The following CNTN2 variants were observed in gnomAD, a reference collection of about 807,000 sequenced individuals.
CNTN2 encodes the protein contactin-2.
In CNTN2, 53 loss-of-function variants were observed where a neutral mutation model predicts 117.5. That is an observed-to-expected ratio of 0.45 (90% CI 0.36 to 0.57). The LOEUF (loss-of-function observed/expected upper bound fraction) is 0.57. CNTN2 is among the 20% of genes least tolerant of loss of function. The probability of loss-of-function intolerance (pLI) is 0.00; values close to 1 mark genes in which losing one functional copy is unlikely to be tolerated. For missense variants in CNTN2, 1,106 were observed against 1,404.3 expected, an observed-to-expected ratio of 0.79 and a Z score of 3.39; for synonymous variants, 530 against 561.7, an observed-to-expected ratio of 0.94 and a Z score of 0.80.
intron 16 of CNTN2, 199 bp downstream of exon 16, chr1:205,067,449 T>C: frequency 2.0e-6 from 1 of 506,126 alleles, no homozygotes; most frequent in Non-Finnish European, 3.3e-6. Context: ...TCCAAACTCC[T>C]CATTTAAAAA....
chr1:205,062,114 G>A (rs1464385564), intron 9 of CNTN2, 113 bp downstream of exon 9: 1 of 1,349,100 alleles, frequency 7.4e-7, no homozygotes, highest in African/African-American at 1.5e-5. Flanking sequence ...GGCTAATTAG[G>A]GTGTCAGAGG....
At chr1:205,063,983 G>A (rs77150959) in intron 10 of CNTN2, among the ~76,000 whole-genome samples, 2,987 of 152,202 alleles carry the variant, frequency 0.02, 48 homozygotes, top group East Asian at 0.044. Context: ...GAAAGGTGGA[G>A]ACTTATTTGT....
At chr1:205,072,975 C>A in intron 21 of CNTN2, 93 bp from the exon 22 acceptor site, 1 of 1,389,876 alleles carries the variant, frequency 7.2e-7, no homozygotes, top group Non-Finnish European at 9.9e-7. Flanking sequence ...GAGCCCAGAA[C>A]CATCGGGTCT....
At chr1:205,053,657 C>A (rs574227977) in intron 2 of CNTN2, among the ~76,000 whole-genome samples, 15 of 152,306 alleles carry the variant, frequency 9.8e-5, no homozygotes, top group African/African-American at 3.4e-4. Context: ...AAATAATTTC[C>A]TCAGGTGCAC....
chr1:205,073,005 G>A lies in CNTN2; in HGVS notation c.2845-63G>A. On this transcript the variant is annotated intron_variant, in intron 21 of 22. Transcript: ENST00000331830. This position sits in a 1 kb window ranked among gnomAD's most constrained non-coding sequence, Gnocchi z 6.3. The stretch of plus-strand genomic sequence containing the variant: ...GGGTCTCCTCCCAGTACCTAAAGCT[G>A]GGGATGACTCAACGATCAGCCCTGG... 1 of 1,568,468 alleles carries A rather than the reference G, an allele frequency of 6.4e-7. No individual in the cohort carries two copies. Among genetic ancestry groups the A allele is most frequent in the South Asian group, 1.2e-5 (1 of 86,098 alleles).
rs553232888 is a variant in CNTN2 at position 205,075,611 on chromosome 1, T to C, written c.*1846T>C. 9.8e-5 allele frequency: 15 copies of C among 152,794 alleles called. No homozygotes were observed. Among genetic ancestry groups the C allele is most frequent in the African/African-American group, 2.9e-4 (12 of 41,574 alleles). The allele number at this position is 152,794 out of a possible 1,614,324, so 9.5% of individuals were successfully genotyped here. On this transcript the variant is annotated 3_prime_UTR_variant, in exon 23 of 23. Transcript: ENST00000331830. ...TCTATTTTCCTGGGCAGGTTTATGTTGATGTTTACCCACTACAATTTTTTA... is the reference window on the plus strand; with the variant it reads ...TCTATTTTCCTGGGCAGGTTTATGTCGATGTTTACCCACTACAATTTTTTA...
chr1:205,062,130 C>T (rs1654022098), intron 9 of CNTN2, 129 bp downstream of exon 9: 1 of 1,174,768 alleles, frequency 8.5e-7, no homozygotes, highest in South Asian at 1.6e-5. Context: ...AGAGGGTGGT[C>T]CTAGGACCAC....
At chr1:205,064,201 A>C in intron 10 of CNTN2, 121 bp from the exon 11 acceptor site, 3 of 1,098,822 alleles carry the variant, frequency 2.7e-6, no homozygotes, top group Non-Finnish European at 3.9e-6. Context: ...TTGGTTCTGG[A>C]TGCATTCTGG....
At chr1:205,054,266 A>C (rs775086083) in intron 2 of CNTN2, among the ~76,000 whole-genome samples, 5 of 152,188 alleles carry the variant, frequency 3.3e-5, no homozygotes, top group Non-Finnish European at 5.9e-5. Context: ...GGTGCATTTC[A>C]GGTCCTTTGT....
Position 205,065,362 on chromosome 1 carries a change from C to G in CNTN2, c.1695+100C>G. 8.0e-7 allele frequency: 1 copy of G among 1,248,266 alleles called. No individual in the cohort carries two copies. The highest frequency in any genetic ancestry group is 1.4e-5 in the South Asian group (1 of 71,060). 77.3% of individuals were successfully genotyped at this position (1,248,266 alleles called of 1,614,324 possible). A position where few individuals can be genotyped will look rare whatever the true frequency, so the allele number is the denominator to read the frequency against. On this transcript the variant is annotated intron_variant, in intron 13 of 22. Transcript: ENST00000331830. The surrounding 1 kb of genome is among the most constrained non-coding windows in gnomAD (Gnocchi z 4.1). Reference sequence around the variant, plus strand: ...ATCCTCACCTTTAAGAAACCCATAGCCTAAGCGCCCCCATTCCCTCAGGCC... The same window carrying G: ...ATCCTCACCTTTAAGAAACCCATAGGCTAAGCGCCCCCATTCCCTCAGGCC...
At position 205,065,723 on chromosome 1, in the gene CNTN2, C is replaced by T. The variant is rs1392822990; in HGVS notation, c.1696-66C>T. ...GACTCCCAAGCGCTGCCTCATGTCT[C>T]ATGGCCTGCTGCACTGGTCAGGGCC... On this transcript the variant is annotated intron_variant, in intron 13 of 22. Transcript: ENST00000331830. This position sits in a 1 kb window ranked among gnomAD's most constrained non-coding sequence, Gnocchi z 4.1. The T allele has an allele frequency of 1.8e-6, 1 of 565,232 alleles. No homozygotes were observed. The allele number at this position is 565,232 out of a possible 1,614,324, so 35.0% of individuals were successfully genotyped here.
At chr1:205,050,229 A>G (rs2096449969) in intron 1 of CNTN2, among the ~76,000 whole-genome samples, 1 of 151,800 alleles carries the variant, frequency 6.6e-6, no homozygotes, top group Non-Finnish European at 1.5e-5. Flanking sequence ...CCAGGGACAT[A>G]TGTCTGTGAT....
rs1253671400 is a variant in CNTN2 at position 205,076,552 on chromosome 1, G to T, written c.*2787G>T. The T allele has an allele frequency of 1.3e-5, 2 of 152,202 alleles. No homozygotes were observed. Among genetic ancestry groups the T allele is most frequent in the African/African-American group, 4.8e-5 (2 of 41,450 alleles). The allele number at this position is 152,202 out of a possible 1,614,324, so 9.4% of individuals were successfully genotyped here. A position where few individuals can be genotyped will look rare whatever the true frequency, so the allele number is the denominator to read the frequency against. ...TCTCATACATCAAGCCCCAGAGGAGGCGGCAAGAGGAACAGCCACAAACAA... is the reference window on the plus strand; with the variant it reads ...TCTCATACATCAAGCCCCAGAGGAGTCGGCAAGAGGAACAGCCACAAACAA... On this transcript the variant is annotated 3_prime_UTR_variant, in exon 23 of 23. Coordinates refer to ENST00000331830, the MANE Select transcript of CNTN2 (RefSeq NM_005076.5).
rs1654046355 is a variant in CNTN2, at chr1:205,062,525, A to G, written c.1196A>G (p.Asn399Ser). ...DSGMYQCVAE[N>S]KHGTIYASAE... is the part of the protein sequence containing the mutation. ...GGCATGTACCAGTGTGTGGCAGAGA[A>G]TAAGCACGGTACCATCTACGCCAGC... Residue 399 changes from asparagine to serine, a missense_variant, in exon 10 of 23, where the codon AAT becomes AGT. Transcript: ENST00000331830. 6.2e-7 allele frequency: 1 copy of G among 1,614,140 alleles called. No individual in the cohort carries two copies. Among genetic ancestry groups the G allele is most frequent in the Non-Finnish European group, 8.5e-7 (1 of 1,180,000 alleles).
chr1:205,066,706 T>A, intron 15 of CNTN2, 107 bp downstream of exon 15: 1 of 1,325,388 alleles, frequency 7.5e-7, no homozygotes, highest in Non-Finnish European at 1.0e-6. Context: ...GGGCTGAGCC[T>A]GGAGCTTCAA....
In CNTN2 at chr1:205,068,309, C is replaced by A. The variant is rs189037680; in HGVS notation, c.2125+1059C>A. On this transcript the variant is annotated intron_variant, in intron 16 of 22. Transcript: ENST00000331830. ...GACCCTGCCTCACCTCCTCTACAGACCTGTTGCACTGGATGTGTAGTGAGG... is the reference window on the plus strand; with the variant it reads ...GACCCTGCCTCACCTCCTCTACAGAACTGTTGCACTGGATGTGTAGTGAGG... 6 of 152,348 alleles carry A rather than the reference C, an allele frequency of 3.9e-5. No homozygotes were observed. In the East Asian group the frequency reaches 7.7e-4, roughly 20 times the overall value. The allele number at this position is 152,348 out of a possible 1,614,324, so 9.4% of individuals were successfully genotyped here. A position where few individuals can be genotyped will look rare whatever the true frequency, so the allele number is the denominator to read the frequency against.
intron 9 of CNTN2, 60 bp downstream of exon 9, chr1:205,062,061 T>C: frequency 1.9e-6 from 3 of 1,569,408 alleles, no homozygotes; most frequent in South Asian, 2.3e-5. Flanking sequence ...CTTGGTTCCC[T>C]CCCCCGCCCA....
chr1:205,056,614 T>C (rs565835868), intron 2 of CNTN2, among the ~76,000 whole-genome samples: 1 of 152,212 alleles, frequency 6.6e-6, no homozygotes, highest in South Asian at 2.1e-4. Flanking sequence ...AAGGAACTAA[T>C]TAGTTAATGG....
At position 205,058,926 on chromosome 1, in the gene CNTN2, A is replaced by G; in HGVS notation, c.488-158A>G. ...TAGCGCTCCCTGAGGGCAGGAATAAAGTCACTTCTTCCCTCTAGGTCTCCC... is the reference window on the plus strand; with the variant it reads ...TAGCGCTCCCTGAGGGCAGGAATAAGGTCACTTCTTCCCTCTAGGTCTCCC... On this transcript the variant is annotated intron_variant, in intron 5 of 22. Coordinates refer to ENST00000331830, the MANE Select transcript of CNTN2 (RefSeq NM_005076.5). This position sits in a 1 kb window ranked among gnomAD's most constrained non-coding sequence, Gnocchi z 4.3. 1 of 729,702 alleles carries G rather than the reference A, an allele frequency of 1.4e-6. No homozygotes were observed. Among genetic ancestry groups the G allele is most frequent in the Non-Finnish European group, 2.3e-6 (1 of 443,326 alleles). 45.2% of individuals were successfully genotyped at this position (729,702 alleles called of 1,614,324 possible).
Sources: allele counts gnomAD v4.1 joint callset (sites outside exome capture counted in the v4.1 genomes callset), GRCh38; gene constraint gnomAD v4.1.1; non-coding constraint Gnocchi (gnomAD v3.1); transcripts MANE v1.5; gene names NCBI Gene and HGNC (gene_info 2026-07-23, HGNC 2026-07-21).